Variants in RBFOX1 observed in about 807,000 individuals in gnomAD.
The protein encoded by RBFOX1 is RNA binding fox-1 homolog 1, also known as RNA binding protein fox-1 homolog 1.
Under a neutral mutation model 57.7 loss-of-function variants are expected in RBFOX1, and 8 were observed. The ratio of observed to expected loss-of-function variants is 0.14; its 90% CI spans 0.08 to 0.25. The LOEUF (loss-of-function observed/expected upper bound fraction) is 0.25, where lower values mean the gene tolerates loss of function less well. RBFOX1 is among the 10% of genes least tolerant of loss of function. The probability of loss-of-function intolerance (pLI) is 1.00; values close to 1 mark genes in which losing one functional copy is unlikely to be tolerated. For synonymous variants in RBFOX1, 326 were observed against 222.4 expected, an observed-to-expected ratio of 1.47 and a Z score of -4.15; for missense variants, 611 against 548.5, an observed-to-expected ratio of 1.11 and a Z score of -1.14.
intron 3 of RBFOX1, among the ~76,000 whole-genome samples, chr16:7,036,849 G>C (rs1415633991): frequency 6.6e-6 from 1 of 152,208 alleles, no homozygotes; most frequent in Non-Finnish European, 1.5e-5. Context: ...GAAGGGCAGA[G>C]GAGCCCCTCA....
intron 4 of RBFOX1, among the ~76,000 whole-genome samples, chr16:7,174,252 GTTTC>G (rs1477177541): frequency 6.6e-6 from 1 of 151,870 alleles, no homozygotes; most frequent in African/African-American, 2.4e-5. Flanking sequence ...TCACTACTTT[GTTTC>G]TTTATTATTG....
At chr16:6,487,144 C>CTG (rs60180975) in intron 2 of RBFOX1, among the ~76,000 whole-genome samples, 17,880 of 140,028 alleles carry the variant, frequency 0.13, 1,229 homozygotes, top group African/African-American at 0.2. Flanking sequence ...TGTGGGGTTT[C>CTG]TGTGTGTGTG....
At chr16:5,754,089 G>C (rs1022350211) in intron 3 of RBFOX1, among the ~76,000 whole-genome samples, 1 of 152,124 alleles carries the variant, frequency 6.6e-6, no homozygotes, top group African/African-American at 2.4e-5. Context: ...ACACTTTGTG[G>C]GAATATTAGG....
At chr16:6,115,060 A>G (rs924790978) in intron 1 of RBFOX1, among the ~76,000 whole-genome samples, 2 of 152,122 alleles carry the variant, frequency 1.3e-5, no homozygotes, top group Non-Finnish European at 2.9e-5. Context: ...AAGGGGTAGT[A>G]ACTTCCAGGT....
At chr16:7,169,148 A>G (rs556405040) in intron 4 of RBFOX1, among the ~76,000 whole-genome samples, 2 of 152,348 alleles carry the variant, frequency 1.3e-5, no homozygotes, top group Non-Finnish European at 2.9e-5. Flanking sequence ...GGCAACACCA[A>G]TAATTGTTTC....
chr16:7,117,828 G>T (rs1171230734), intron 4 of RBFOX1, among the ~76,000 whole-genome samples: 1 of 152,168 alleles, frequency 6.6e-6, no homozygotes, highest in Non-Finnish European at 1.5e-5. Flanking sequence ...AACAGGATCT[G>T]CTTTCAAGCT....
chr16:5,508,515 G>C (rs1174139297), intron 2 of RBFOX1, among the ~76,000 whole-genome samples: 4 of 152,212 alleles, frequency 2.6e-5, no homozygotes, highest in Non-Finnish European at 4.4e-5. Flanking sequence ...CCACTCCCGA[G>C]GTCGGGTGGG....
At position 6,106,466 on chromosome 16, in the gene RBFOX1, C is replaced by CAAAAAAAAA. The variant is rs139996811; in HGVS notation, c.-127+86479_-127+86480insAAAAAAAAA. ...GGGCAAAAAGAGTGAGTATCTGTCT[C>CAAAAAAAAA]AAAAATAAAAAAAAAAAAAGGTAGT... On this transcript the variant is annotated intron_variant, in intron 1 of 15. Coordinates refer to ENST00000550418, the MANE Select transcript of RBFOX1 (RefSeq NM_018723.4). Among the ~76,000 whole-genome samples the CAAAAAAAAA allele has an allele frequency of 3.3e-4, 36 of 109,426 alleles. 2 individuals carry two copies. The highest frequency in any genetic ancestry group is 1.0e-3 in the East Asian group (4 of 3,836). 71.8% of individuals were successfully genotyped at this position (109,426 alleles called of 152,430 possible).
intron 1 of RBFOX1, among the ~76,000 whole-genome samples, chr16:6,095,855 C>A (rs1265642931): frequency 6.6e-6 from 1 of 152,160 alleles, no homozygotes; most frequent in Non-Finnish European, 1.5e-5. Context: ...GGTAGGCCCA[C>A]AGTTAGTGAG....
At chr16:6,794,225 G>C (rs559639833) in intron 3 of RBFOX1, among the ~76,000 whole-genome samples, 1 of 151,338 alleles carries the variant, frequency 6.6e-6, no homozygotes, top group South Asian at 2.1e-4. Flanking sequence ...TGACTTTTAG[G>C]TCCTCTCAGA....
At chr16:7,655,368 C>G (rs548213488) in intron 12 of RBFOX1, among the ~76,000 whole-genome samples, 1 of 152,308 alleles carries the variant, frequency 6.6e-6, no homozygotes, top group Non-Finnish European at 1.5e-5. Flanking sequence ...CAAGAGCTCT[C>G]TCTATGCATA....
chr16:5,679,558 G>A (rs1324518723), intron 3 of RBFOX1, among the ~76,000 whole-genome samples: 2 of 152,034 alleles, frequency 1.3e-5, no homozygotes, highest in Admixed American at 6.6e-5. Flanking sequence ...CTGTGTCCAT[G>A]TGTTCTCATT....
chr16:5,514,527 G>C (rs772332469), intron 2 of RBFOX1, among the ~76,000 whole-genome samples: 28 of 152,174 alleles, frequency 1.8e-4, no homozygotes, highest in Admixed American at 6.5e-5. Flanking sequence ...ATGAGTGACA[G>C]GGCAGAAGGC....
rs562778965 is a variant in RBFOX1 at position 6,525,933 on chromosome 16, A to G, written c.-63-128670A>G. Reference sequence around the variant, plus strand: ...TGCCTGTGTCTGCTACAAGCAGAGAAAAAAAGCAAGGGAACTAATGGTGGC... The same window carrying G: ...TGCCTGTGTCTGCTACAAGCAGAGAGAAAAAGCAAGGGAACTAATGGTGGC... On this transcript the variant is annotated intron_variant, in intron 2 of 15. Transcript: ENST00000550418. 4.6e-5 allele frequency among the ~76,000 whole-genome samples: 7 copies of G among 152,274 alleles called. No homozygotes were observed. The South Asian group carries it at 1.5e-3, about 32-fold the overall frequency.
At chr16:7,218,461 G>A (rs1447781213) in intron 4 of RBFOX1, among the ~76,000 whole-genome samples, 2 of 152,170 alleles carry the variant, frequency 1.3e-5, no homozygotes, top group South Asian at 2.1e-4. Context: ...CAGTGAGAGA[G>A]CTCATACAGA....
At chr16:7,439,945 C>CTTTTTTT (rs1223191346) in intron 4 of RBFOX1, among the ~76,000 whole-genome samples, 7 of 113,388 alleles carry the variant, frequency 6.2e-5, no homozygotes, top group Non-Finnish European at 1.1e-4. Context: ...CAAATCTTTT[C>CTTTTTTT]TTTCTTTTTT....
At chr16:7,665,761 T>C (rs1381265207) in intron 13 of RBFOX1, among the ~76,000 whole-genome samples, 1 of 152,158 alleles carries the variant, frequency 6.6e-6, no homozygotes, top group African/African-American at 2.4e-5. Flanking sequence ...ATCACAATTT[T>C]TATTACAAAA....
At chr16:7,013,899 C>G (rs140746013) in intron 3 of RBFOX1, among the ~76,000 whole-genome samples, 11 of 152,264 alleles carry the variant, frequency 7.2e-5, no homozygotes, top group African/African-American at 2.6e-4. Context: ...CTCCAAAAAT[C>G]TTCCTGCCTC....
chr16:6,024,690 T>C (rs1324284346), intron 1 of RBFOX1, among the ~76,000 whole-genome samples: 1 of 152,116 alleles, frequency 6.6e-6, no homozygotes, highest in Non-Finnish European at 1.5e-5. Context: ...AGTTTCCCCA[T>C]GACTGGTCTT....
Sources: allele counts gnomAD v4.1 joint callset (sites outside exome capture counted in the v4.1 genomes callset), GRCh38; gene constraint gnomAD v4.1.1; transcripts MANE v1.5; gene names NCBI Gene and HGNC (gene_info 2026-07-23, HGNC 2026-07-21).